NR5A2: variants seen among roughly 807,000 people sequenced by gnomAD.
NR5A2 encodes CYP7A promoter-binding factor.
A neutral mutation model predicts 62.7 loss-of-function variants in NR5A2; 26 were observed. The ratio of observed to expected loss-of-function variants is 0.41; its 90% CI spans 0.30 to 0.58. The LOEUF (loss-of-function observed/expected upper bound fraction) is 0.58. Ranked by LOEUF, NR5A2 falls within the 20% of genes least tolerant of loss-of-function variation. The pLI is 0.22. For synonymous variants in NR5A2, 246 were observed against 241.7 expected (o/e 1.02, Z -0.16); for missense variants, 541 against 669.1 (o/e 0.81, Z 2.11).
chr1:200,130,130 G>A (rs1248460077), intron 7 of NR5A2, among the ~76,000 whole-genome samples: 2 of 152,220 alleles, frequency 1.3e-5, no homozygotes, highest in Non-Finnish European at 2.9e-5. Flanking sequence ...TGTGTGGGAG[G>A]TGAAAAAGAG....
chr1:200,151,975 A>T lies in NR5A2; in HGVS notation c.1379-21988A>T, dbSNP rs139940606. Among the ~76,000 whole-genome samples the T allele has an allele frequency of 2.7e-3, 405 of 152,370 alleles. 1 individual carries two copies. Among genetic ancestry groups the T allele is most frequent in the Non-Finnish European group, 4.4e-3 (296 of 68,036 alleles). ...AGATCCAGGAGTCCCAGACATACAT[A>T]TGCAAAGTTTTATTCTCTTTCCAAG... is the stretch of plus-strand genomic sequence containing the variant. On this transcript the variant is annotated intron_variant, in intron 7 of 7. Transcript: ENST00000367362.
chr1:200,148,459 C>T (rs1051116367), intron 7 of NR5A2, among the ~76,000 whole-genome samples: 3 of 152,218 alleles, frequency 2.0e-5, no homozygotes, highest in African/African-American at 4.8e-5. Context: ...AGGCAGCCCC[C>T]TCCTGGGGGT....
rs552672483 is a variant in NR5A2, at chr1:200,172,854, CTCTT to C, written c.1379-1104_1379-1101del. ...AGTACTGTGTGGTTTTCTCCATATT[CTCTT>C]TCTTATTTATTTTTGTCCAATTAGA... On this transcript the variant is annotated intron_variant, in intron 7 of 7. Transcript: ENST00000367362. Among the ~76,000 whole-genome samples, 176 of 152,266 alleles carry C rather than the reference CTCTT, an allele frequency of 1.2e-3. 1 individual carries two copies. Among genetic ancestry groups the C allele is most frequent in the South Asian group, 7.5e-3 (36 of 4,828 alleles).
chr1:200,044,321 A>G (rs1405339855), intron 3 of NR5A2: 1 of 152,342 alleles, frequency 6.6e-6, no homozygotes, highest in Non-Finnish European at 1.5e-5. Flanking sequence ...CACAGACATA[A>G]AAGCCTAAAT....
intron 7 of NR5A2, among the ~76,000 whole-genome samples, chr1:200,159,484 C>T (rs571992250): frequency 2.0e-5 from 3 of 152,234 alleles, no homozygotes; most frequent in East Asian, 3.9e-4. Flanking sequence ...ACTTTGCCTT[C>T]GTGCTTGAGC....
chr1:200,084,552 C>T (rs553359013), intron 5 of NR5A2, among the ~76,000 whole-genome samples: 2 of 152,266 alleles, frequency 1.3e-5, no homozygotes, highest in East Asian at 3.9e-4. Flanking sequence ...TTCACACTTA[C>T]TAGAATCTCT....
chr1:200,043,182 C>G (rs972051300), intron 2 of NR5A2, among the ~76,000 whole-genome samples: 1 of 152,194 alleles, frequency 6.6e-6, no homozygotes, highest in African/African-American at 2.4e-5. Context: ...CAATACGGAA[C>G]TGAATGTTTC....
chr1:200,083,562 A>G (rs1050857403), intron 5 of NR5A2, among the ~76,000 whole-genome samples: 3 of 152,236 alleles, frequency 2.0e-5, no homozygotes, highest in African/African-American at 7.2e-5. Flanking sequence ...CCATGTGTGT[A>G]TCGTAAAGAC....
At position 200,177,126 on chromosome 1, in the gene NR5A2, T is replaced by C. The variant is rs1360774156; in HGVS notation, c.*2916T>C. The C allele has an allele frequency of 6.6e-6, 1 of 152,570 alleles. No homozygotes were observed. The highest frequency in any genetic ancestry group is 1.5e-5 in the Non-Finnish European group (1 of 68,040). 9.5% of individuals were successfully genotyped at this position (152,570 alleles called of 1,614,324 possible). A position where few individuals can be genotyped will look rare whatever the true frequency, so the allele number is the denominator to read the frequency against. On this transcript the variant is annotated 3_prime_UTR_variant, in exon 8 of 8. Coordinates refer to ENST00000367362, the MANE Select transcript of NR5A2 (RefSeq NM_205860.3). ...CCTTATCAATTACAGGATTTGCCGG[T>C]AAAAGCAGACTCAAATATAAAGGTT...
At chr1:200,089,913 C>A (rs796906822) in intron 5 of NR5A2, among the ~76,000 whole-genome samples, 3 of 152,366 alleles carry the variant, frequency 2.0e-5, no homozygotes, top group African/African-American at 7.2e-5. Context: ...TCATCACTGT[C>A]TTCCTCTCCA....
At chr1:200,074,432 AAG>A (rs965863413) in intron 5 of NR5A2, among the ~76,000 whole-genome samples, 1 of 151,640 alleles carries the variant, frequency 6.6e-6, no homozygotes, top group African/African-American at 2.4e-5. Flanking sequence ...AAAAACAAGA[AAG>A]AGAGAAAGAA....
rs71132660 is a variant in NR5A2, at chr1:200,108,081, C to CGTGTGTGTGTGT, written c.1111-3098_1111-3087dup. 6.0e-3 allele frequency among the ~76,000 whole-genome samples: 875 copies of CGTGTGTGTGTGT among 146,870 alleles called. 7 individuals carry two copies. Among genetic ancestry groups the CGTGTGTGTGTGT allele is most frequent in the East Asian group, 9.6e-3 (46 of 4,794 alleles). On this transcript the variant is annotated intron_variant, in intron 5 of 7. Transcript: ENST00000367362. Reference sequence around the variant, plus strand: ...TGATGAGATGGCTCTAGAAGACATACGTGTGTGTGTGTGTGTGTGTGTGTG... The same window carrying CGTGTGTGTGTGT: ...TGATGAGATGGCTCTAGAAGACATACGTGTGTGTGTGTGTGTGTGTGTGTGTGTGTGTGTGTG...
chr1:200,078,030 A>T (rs1171024367), intron 5 of NR5A2, among the ~76,000 whole-genome samples: 1 of 152,234 alleles, frequency 6.6e-6, no homozygotes, highest in Non-Finnish European at 1.5e-5. Flanking sequence ...CAGGTAAAGA[A>T]GCTAGTTAAA....
At chr1:200,157,275 A>G (rs573524046) in intron 7 of NR5A2, among the ~76,000 whole-genome samples, 12 of 152,360 alleles carry the variant, frequency 7.9e-5, no homozygotes, top group African/African-American at 2.6e-4. Context: ...GCAAGTATCA[A>G]TAATTCTGCT....
chr1:200,067,002 C>G (rs1571742043), intron 5 of NR5A2, among the ~76,000 whole-genome samples: 1 of 152,186 alleles, frequency 6.6e-6, no homozygotes, highest in Non-Finnish European at 1.5e-5. Context: ...ACGTGGCTAC[C>G]CCTTGCTTCA....
At chr1:200,098,964 C>T (rs1337134832) in intron 5 of NR5A2, among the ~76,000 whole-genome samples, 1 of 152,194 alleles carries the variant, frequency 6.6e-6, no homozygotes, top group Non-Finnish European at 1.5e-5. Flanking sequence ...AGTTTAGGGC[C>T]AAACTTCGAC....
intron 1 of NR5A2, among the ~76,000 whole-genome samples, chr1:200,028,489 G>T (rs577218935): frequency 4.2e-4 from 62 of 149,348 alleles, no homozygotes; most frequent in Non-Finnish European, 8.1e-4. Flanking sequence ...AAGAGCTACT[G>T]TTTCTCGCAA....
At chr1:200,148,886 C>G (rs1351336076) in intron 7 of NR5A2, among the ~76,000 whole-genome samples, 1 of 151,198 alleles carries the variant, frequency 6.6e-6, no homozygotes, top group Non-Finnish European at 1.5e-5. Flanking sequence ...AACTCCTAGC[C>G]CAGTCTTTGG....
intron 7 of NR5A2, among the ~76,000 whole-genome samples, chr1:200,129,895 C>T (rs72740842): frequency 0.081 from 12,366 of 152,258 alleles, 676 homozygotes; most frequent in Non-Finnish European, 0.12. Flanking sequence ...ATGAACCCCC[C>T]AGAAAGGAAG....
Sources: gnomAD v4.1 joint callset for allele counts (sites outside exome capture counted in the v4.1 genomes callset) on GRCh38, gnomAD v4.1.1 for gene constraint, MANE v1.5 for transcripts, NCBI Gene and HGNC (gene_info 2026-07-23, HGNC 2026-07-21) for gene names.